SYN3: variants seen among roughly 807,000 people sequenced by gnomAD.
SYN3 encodes synapsin-3.
In SYN3, 35 loss-of-function variants were observed where a neutral mutation model predicts 65.8. That is an observed-to-expected ratio of 0.53 (90% CI 0.41 to 0.70). The LOEUF (loss-of-function observed/expected upper bound fraction) is 0.70. SYN3 is among the 30% of genes least tolerant of loss of function. The pLI, the probability that SYN3 is intolerant of heterozygous loss-of-function variation, is 0.00. For missense variants in SYN3, 680 were observed against 749.0 expected (o/e 0.91, Z 1.08); for synonymous variants, 270 against 292.9 (o/e 0.92, Z 0.80).
At chr22:32,845,365 G>T (rs1477872607) in intron 6 of SYN3, among the ~76,000 whole-genome samples, 1 of 151,954 alleles carries the variant, frequency 6.6e-6, no homozygotes, top group African/African-American at 2.4e-5. Flanking sequence ...GCTAATTTTT[G>T]TATTTTAGTA....
intron 13 of SYN3, among the ~76,000 whole-genome samples, chr22:32,516,155 T>G (rs927455308): frequency 2.0e-5 from 3 of 152,226 alleles, no homozygotes; most frequent in African/African-American, 4.8e-5. Context: ...TAGTGAATAC[T>G]CCTGTGTGTG....
intron 6 of SYN3, among the ~76,000 whole-genome samples, chr22:32,614,826 C>T (rs532646523): frequency 6.6e-6 from 1 of 152,290 alleles, no homozygotes; most frequent in East Asian, 1.9e-4. Context: ...GGGGCCCCCT[C>T]CTCGGAATCC....
At chr22:32,516,505 A>G (rs1256642134) in intron 13 of SYN3, among the ~76,000 whole-genome samples, 2 of 152,098 alleles carry the variant, frequency 1.3e-5, no homozygotes, top group Non-Finnish European at 2.9e-5. Context: ...CTGGGACTAC[A>G]GGCGTGCACC....
At chr22:32,869,987 G>A (rs2048806754) in intron 4 of SYN3, among the ~76,000 whole-genome samples, 1 of 151,958 alleles carries the variant, frequency 6.6e-6, no homozygotes, top group South Asian at 2.1e-4. Flanking sequence ...CCATCACAGG[G>A]CCCCAGGAGG....
At chr22:32,822,681 C>T (rs990772736) in intron 6 of SYN3, among the ~76,000 whole-genome samples, 3 of 152,192 alleles carry the variant, frequency 2.0e-5, no homozygotes, top group Admixed American at 2.0e-4. Flanking sequence ...TGCACTTCCT[C>T]TTCTGCTAAC....
chr22:32,949,962 G>A (rs747091491), intron 3 of SYN3, among the ~76,000 whole-genome samples: 7 of 152,168 alleles, frequency 4.6e-5, no homozygotes, highest in Non-Finnish European at 1.0e-4. Context: ...ACAACGAGAT[G>A]TTGTCCAGAG....
chr22:32,910,605 GC>G (rs2050025485), intron 4 of SYN3, among the ~76,000 whole-genome samples: 1 of 144,378 alleles, frequency 6.9e-6, no homozygotes, highest in Non-Finnish European at 1.5e-5. Context: ...CACCAACTGA[GC>G]AGCTGTCTGA....
intron 6 of SYN3, among the ~76,000 whole-genome samples, chr22:32,666,252 T>G (rs2060288113): frequency 6.6e-6 from 1 of 152,224 alleles, no homozygotes; most frequent in Non-Finnish European, 1.5e-5. Flanking sequence ...AGGGTCTCCT[T>G]GAACCACATG....
At chr22:32,634,884 C>T (rs1167478840) in intron 6 of SYN3, among the ~76,000 whole-genome samples, 1 of 152,120 alleles carries the variant, frequency 6.6e-6, no homozygotes, top group Non-Finnish European at 1.5e-5. Flanking sequence ...TGAATGTGGC[C>T]CAACACAAAT....
At chr22:32,640,197 A>G (rs2059875919) in intron 6 of SYN3, among the ~76,000 whole-genome samples, 3 of 151,990 alleles carry the variant, frequency 2.0e-5, no homozygotes, top group Admixed American at 2.0e-4. Context: ...TACCCCACAA[A>G]TCACGCTGGC....
At chr22:32,757,341 A>T (rs1485033887) in intron 6 of SYN3, among the ~76,000 whole-genome samples, 1 of 129,648 alleles carries the variant, frequency 7.7e-6, no homozygotes, top group African/African-American at 3.0e-5. Context: ...CTTCTTGCCC[A>T]GGCTGGAGTG....
At chr22:33,052,441 G>GTAC (rs1569424717) in intron 1 of SYN3, among the ~76,000 whole-genome samples, 3 of 152,058 alleles carry the variant, frequency 2.0e-5, no homozygotes, top group Admixed American at 6.5e-5. Flanking sequence ...CTCCTCCGTA[G>GTAC]TACTACGGAC....
chr22:32,959,544 C>T (rs2051579820), intron 3 of SYN3, among the ~76,000 whole-genome samples: 1 of 151,034 alleles, frequency 6.6e-6, no homozygotes, highest in Non-Finnish European at 1.5e-5. Flanking sequence ...GAGTGAGACA[C>T]TGTCTCAGAA....
At chr22:32,932,680 T>C (rs905107025) in intron 3 of SYN3, among the ~76,000 whole-genome samples, 1 of 152,178 alleles carries the variant, frequency 6.6e-6, no homozygotes. Flanking sequence ...GGATTTCTGT[T>C]GCTTACAACC....
chr22:33,041,217 T>C (rs1324541258), intron 1 of SYN3, among the ~76,000 whole-genome samples: 1 of 151,734 alleles, frequency 6.6e-6, no homozygotes, highest in Non-Finnish European at 1.5e-5. Context: ...GGGCCCAGCC[T>C]GGGTACTCCT....
chr22:32,676,528 C>CTTTTTTTTTTTTTTTTTTTTTTTTTT (rs879196572), intron 6 of SYN3, among the ~76,000 whole-genome samples: 4 of 88,932 alleles, frequency 4.5e-5, no homozygotes, highest in Non-Finnish European at 6.0e-5. Flanking sequence ...TCTTTTCTTT[C>CTTTTTTTTTTTTTTTTTTTTTTTTTT]TTTTTTTTTT....
At chr22:32,917,115 G>T (rs531915857) in intron 4 of SYN3, among the ~76,000 whole-genome samples, 1 of 152,296 alleles carries the variant, frequency 6.6e-6, no homozygotes, top group African/African-American at 2.4e-5. Flanking sequence ...ACAATTGAAA[G>T]ACTTCCTCAT....
In SYN3 at chr22:32,534,060, C is replaced by T. The variant is rs571544907; in HGVS notation, c.993-165G>A. On this transcript the variant is annotated intron_variant, in intron 9 of 13. Transcript: ENST00000358763. ...AGAAGCAGCAAGAGAGACAGAAAGA[C>T]GGAGAGAGAGTTGGAGTCCAACACG... Among the ~76,000 whole-genome samples the T allele has an allele frequency of 1.1e-4, 17 of 152,116 alleles. No individual in the cohort carries two copies. In the South Asian group the frequency reaches 1.9e-3, roughly 17 times the overall value.
At chr22:32,584,582 ATTCT>A (rs780884478) in intron 7 of SYN3, among the ~76,000 whole-genome samples, 29 of 152,142 alleles carry the variant, frequency 1.9e-4, no homozygotes, top group Non-Finnish European at 2.9e-5. Flanking sequence ...AAAAATTGAT[ATTCT>A]TTGTTTTTCA....
Sources: allele counts gnomAD v4.1 joint callset (sites outside exome capture counted in the v4.1 genomes callset), GRCh38; gene constraint gnomAD v4.1.1; transcripts MANE v1.5; gene names NCBI Gene and HGNC (gene_info 2026-07-23, HGNC 2026-07-21).